The following EHBP1 variants were observed in gnomAD, a reference collection of about 807,000 sequenced individuals.
The protein encoded by EHBP1 is EH domain-binding protein 1.
In EHBP1, 55 loss-of-function variants were observed where a neutral mutation model predicts 144.0. The ratio of observed to expected loss-of-function variants is 0.38; its 90% CI spans 0.31 to 0.48. The LOEUF (loss-of-function observed/expected upper bound fraction) is 0.48, where lower values mean the gene tolerates loss of function less well. Ranked by LOEUF, EHBP1 falls within the 20% of genes least tolerant of loss-of-function variation. The pLI is 0.98. For missense variants in EHBP1, 1,200 were observed against 1,364.2 expected, an observed-to-expected ratio of 0.88 and a Z score of 1.90; for synonymous variants, 469 against 472.7, an observed-to-expected ratio of 0.99 and a Z score of 0.10.
At chr2:62,753,434 A>G (rs1347443273) in intron 3 of EHBP1, among the ~76,000 whole-genome samples, 1 of 151,176 alleles carries the variant, frequency 6.6e-6, no homozygotes, top group Non-Finnish European at 1.5e-5. Context: ...TGCCCTTAAC[A>G]TTTTTTCCTT....
At chr2:63,001,625 G>A (rs1256905439) in intron 19 of EHBP1, among the ~76,000 whole-genome samples, 1 of 152,114 alleles carries the variant, frequency 6.6e-6, no homozygotes, top group Non-Finnish European at 1.5e-5. Context: ...TTCTAACAAA[G>A]GCCCTATGAG....
intron 14 of EHBP1, among the ~76,000 whole-genome samples, chr2:62,975,665 CTT>C (rs991948475): frequency 2.7e-5 from 4 of 149,438 alleles, no homozygotes; most frequent in African/African-American, 9.7e-5. Context: ...GGGAGGATGA[CTT>C]GAGCCTAGGA....
chr2:62,806,972 C>G lies in EHBP1; in HGVS notation c.313-19115C>G, dbSNP rs147327278. 7.7e-3 allele frequency among the ~76,000 whole-genome samples: 1,167 copies of G among 152,198 alleles called. 3 individuals carry two copies. Among genetic ancestry groups the G allele is most frequent in the Non-Finnish European group, 0.011 (766 of 68,000 alleles). Reference sequence around the variant, plus strand: ...CCCTCAGTATCTGCAGGGATTGGTTCCAGGACCCCCTGCAGAACCCACAGA... The same window carrying G: ...CCCTCAGTATCTGCAGGGATTGGTTGCAGGACCCCCTGCAGAACCCACAGA... On this transcript the variant is annotated intron_variant, in intron 5 of 22. Transcript: ENST00000431489.
intron 10 of EHBP1, among the ~76,000 whole-genome samples, chr2:62,924,618 A>C (rs901356771): frequency 6.6e-6 from 1 of 152,198 alleles, no homozygotes; most frequent in Non-Finnish European, 1.5e-5. Context: ...GAAATGGATA[A>C]ATTCCTGGAC....
chr2:62,754,235 T>A (rs1467388179), intron 3 of EHBP1, among the ~76,000 whole-genome samples: 2 of 152,234 alleles, frequency 1.3e-5, no homozygotes, highest in Admixed American at 1.3e-4. Context: ...GCTGTAGGTC[T>A]GTTGGAGTTT....
intron 10 of EHBP1, among the ~76,000 whole-genome samples, chr2:62,892,855 C>T (rs2052576303): frequency 6.6e-6 from 1 of 152,046 alleles, no homozygotes; most frequent in South Asian, 2.1e-4. Context: ...ATTACCAATT[C>T]CATATTAATT....
At chr2:63,007,359 G>A (rs936397185) in intron 19 of EHBP1, among the ~76,000 whole-genome samples, 2 of 151,754 alleles carry the variant, frequency 1.3e-5, no homozygotes, top group African/African-American at 4.8e-5. Flanking sequence ...AATTTAGCAG[G>A]TTGCTTGTTG....
At chr2:62,674,448 T>A (rs571806941) in intron 1 of EHBP1, among the ~76,000 whole-genome samples, 1 of 152,354 alleles carries the variant, frequency 6.6e-6, no homozygotes, top group South Asian at 2.1e-4. Context: ...TGTATCGAGT[T>A]GGTTGTGCTT....
Position 62,915,099 on chromosome 2 carries a change from A to C in EHBP1, c.1186-27619A>C, listed in dbSNP as rs78457044. 2.4e-3 allele frequency among the ~76,000 whole-genome samples: 364 copies of C among 152,130 alleles called. 1 individual carries two copies. The highest frequency in any genetic ancestry group is 4.3e-3 in the Non-Finnish European group (294 of 67,926). On this transcript the variant is annotated intron_variant, in intron 10 of 22. Transcript: ENST00000431489. ...CCTAGATCGGCATTTCCCTTTCATT[A>C]ATGTTTTTATATGGTCTATGTATAC...
chr2:63,041,220 T>C (rs12620918), intron 21 of EHBP1, among the ~76,000 whole-genome samples: 28,628 of 152,126 alleles, frequency 0.19, 3,537 homozygotes, highest in East Asian at 0.64. Flanking sequence ...GCCTGTTTTT[T>C]ACCCTTTTTC....
chr2:62,715,335 C>T (rs548251505), intron 2 of EHBP1, among the ~76,000 whole-genome samples: 3 of 152,032 alleles, frequency 2.0e-5, no homozygotes, highest in South Asian at 2.1e-4. Flanking sequence ...AGGATGGTCT[C>T]GATCTCCTGA....
At chr2:62,894,869 G>A (rs1055256688) in intron 10 of EHBP1, among the ~76,000 whole-genome samples, 10 of 150,718 alleles carry the variant, frequency 6.6e-5, no homozygotes, top group Non-Finnish European at 1.5e-4. Context: ...AGTAAGCTAT[G>A]ATTGCCCCAC....
In EHBP1 at chr2:62,948,964, ATCC is replaced by A; in HGVS notation, c.2120_2122del (p.Ser707del). Reference sequence around the variant, plus strand: ...AGAAAGAAAAATTAGAGAATTCCAGATCCTTAGAATGCAGATCAGATCCAGAAT... The same window carrying A: ...AGAAAGAAAAATTAGAGAATTCCAGATTAGAATGCAGATCAGATCCAGAAT... On this transcript the variant is annotated inframe_deletion, in exon 13 of 23. Transcript: ENST00000431489. 2 of 1,614,000 alleles carry A rather than the reference ATCC, an allele frequency of 1.2e-6. No individual in the cohort carries two copies. Among genetic ancestry groups the A allele is most frequent in the Non-Finnish European group, 1.7e-6 (2 of 1,179,944 alleles).
chr2:62,713,409 T>C (rs1471099393), intron 2 of EHBP1, among the ~76,000 whole-genome samples: 1 of 151,888 alleles, frequency 6.6e-6, no homozygotes, highest in African/African-American at 2.4e-5. Flanking sequence ...GTCTGGCTAG[T>C]TTTTTTGTAT....
chr2:62,808,620 C>T (rs948563836), intron 5 of EHBP1, among the ~76,000 whole-genome samples: 4 of 152,076 alleles, frequency 2.6e-5, no homozygotes, highest in Non-Finnish European at 5.9e-5. Context: ...GAGTCTGGTT[C>T]TGATGCTTGC....
At chr2:62,692,688 A>AT (rs2033946315) in intron 1 of EHBP1, among the ~76,000 whole-genome samples, 6 of 152,310 alleles carry the variant, frequency 3.9e-5, no homozygotes, top group South Asian at 2.1e-4. Flanking sequence ...ATCTTCAGAT[A>AT]AATGTCAATT....
intron 15 of EHBP1, 107 bp from the exon 16 acceptor site, chr2:62,990,609 C>A (rs2059375589): frequency 8.3e-7 from 1 of 1,208,594 alleles, no homozygotes; most frequent in Non-Finnish European, 1.2e-6. Context: ...TCCTTTTCTT[C>A]TTTCTTTTAA....
At chr2:62,865,314 T>A (rs2049953442) in intron 9 of EHBP1, among the ~76,000 whole-genome samples, 1 of 152,234 alleles carries the variant, frequency 6.6e-6, no homozygotes, top group African/African-American at 2.4e-5. Context: ...ACTTCAGTTA[T>A]CTTATAGGTC....
chr2:62,793,977 C>T (rs1040458095), intron 5 of EHBP1, among the ~76,000 whole-genome samples: 2 of 152,032 alleles, frequency 1.3e-5, no homozygotes, highest in African/African-American at 4.8e-5. Flanking sequence ...TTAGAATGTC[C>T]AGATCATATG....
Sources: gnomAD v4.1 joint callset for allele counts (sites outside exome capture counted in the v4.1 genomes callset) on GRCh38, gnomAD v4.1.1 for gene constraint, MANE v1.5 for transcripts, NCBI Gene and HGNC (gene_info 2026-07-23, HGNC 2026-07-21) for gene names.